Variants in OPCML observed in about 807,000 individuals in gnomAD.
OPCML encodes the protein opioid-binding protein/cell adhesion molecule.
A neutral mutation model predicts 37.8 loss-of-function variants in OPCML; 13 were observed. That is an observed-to-expected ratio of 0.34 (90% CI 0.22 to 0.55). The LOEUF is 0.55. Ranked by LOEUF, OPCML falls within the 20% of genes least tolerant of loss-of-function variation. The probability of loss-of-function intolerance (pLI) is 0.91; values close to 1 mark genes in which losing one functional copy is unlikely to be tolerated. For synonymous variants in OPCML, 176 were observed against 168.8 expected, an observed-to-expected ratio of 1.04 and a Z score of -0.33; for missense variants, 341 against 435.6, an observed-to-expected ratio of 0.78 and a Z score of 1.93.
intron 1 of OPCML, among the ~76,000 whole-genome samples, chr11:133,294,825 T>TC (rs1486643312): frequency 1.6e-5 from 2 of 125,958 alleles, no homozygotes; most frequent in African/African-American, 6.3e-5. Context: ...CTTTTTTTTT[T>TC]TTTTTTTTTT....
chr11:132,807,457 T>C (rs1048501468), intron 2 of OPCML, among the ~76,000 whole-genome samples: 3 of 152,208 alleles, frequency 2.0e-5, no homozygotes, highest in Admixed American at 6.5e-5. Context: ...AAATGCATTC[T>C]ATAAAAAAAT....
At chr11:132,525,581 A>G (rs2096305832) in intron 4 of OPCML, among the ~76,000 whole-genome samples, 1 of 152,212 alleles carries the variant, frequency 6.6e-6, no homozygotes, top group African/African-American at 2.4e-5. Context: ...TGTACTTCTA[A>G]TCTTTTAGAA....
At chr11:132,779,272 G>A (rs1222869249) in intron 2 of OPCML, among the ~76,000 whole-genome samples, 2 of 152,026 alleles carry the variant, frequency 1.3e-5, no homozygotes, top group South Asian at 2.1e-4. Context: ...CTGGCCTTAA[G>A]TTGTATATTT....
chr11:132,647,635 C>T (rs1591668514), intron 3 of OPCML, among the ~76,000 whole-genome samples: 2 of 152,018 alleles, frequency 1.3e-5, no homozygotes, highest in South Asian at 2.1e-4. Context: ...GCAAGTGGAT[C>T]GTCATAAAGG....
At position 133,202,700 on chromosome 11, in the gene OPCML, A is replaced by T. The variant is rs114710239; in HGVS notation, c.62-259690T>A. 1.4e-3 allele frequency among the ~76,000 whole-genome samples: 210 copies of T among 152,318 alleles called. 1 individual carries two copies. The highest frequency in any genetic ancestry group is 4.7e-3 in the African/African-American group (197 of 41,564). Reference sequence around the variant, plus strand: ...CAGTTACCCTGCAAGTTAGGCCCCAATATTCCTTGTGGAAGCTCAGGTGGG... The same window carrying T: ...CAGTTACCCTGCAAGTTAGGCCCCATTATTCCTTGTGGAAGCTCAGGTGGG... On this transcript the variant is annotated intron_variant, in intron 1 of 7. Coordinates refer to ENST00000524381, the MANE Select transcript of OPCML (RefSeq NM_001012393.5).
At chr11:133,475,398 C>T in intron 1 of OPCML, among the ~76,000 whole-genome samples, 1 of 152,092 alleles carries the variant, frequency 6.6e-6, no homozygotes, top group Non-Finnish European at 1.5e-5. Flanking sequence ...CCTCCTCCAA[C>T]CATTTTCTAT....
chr11:133,116,183 G>T (rs1949330683), intron 1 of OPCML, among the ~76,000 whole-genome samples: 1 of 152,104 alleles, frequency 6.6e-6, no homozygotes, highest in Non-Finnish European at 1.5e-5. Context: ...TGGCCAGTCT[G>T]GTCTTGAACT....
At chr11:133,163,150 G>A (rs1350109318) in intron 1 of OPCML, among the ~76,000 whole-genome samples, 2 of 152,090 alleles carry the variant, frequency 1.3e-5, no homozygotes, top group Admixed American at 6.5e-5. Context: ...TTGTGTTTCC[G>A]TTTCTCTTAC....
At chr11:132,874,061 T>C (rs146081585) in intron 2 of OPCML, among the ~76,000 whole-genome samples, 11 of 152,334 alleles carry the variant, frequency 7.2e-5, no homozygotes, top group Non-Finnish European at 1.2e-4. Context: ...TTTCCTGTTA[T>C]TCCCCATTAC....
At chr11:132,898,016 A>G (rs61906918) in intron 2 of OPCML, among the ~76,000 whole-genome samples, 21,042 of 152,170 alleles carry the variant, frequency 0.14, 1,592 homozygotes, top group East Asian at 0.28. Context: ...TTTCCCAGTC[A>G]TCCCTGTCAT....
intron 1 of OPCML, among the ~76,000 whole-genome samples, chr11:133,106,691 C>T (rs752463212): frequency 1.3e-5 from 2 of 152,162 alleles, no homozygotes; most frequent in East Asian, 3.9e-4. Context: ...ATATCCAGGA[C>T]CAGACAATAG....
Position 133,433,086 on chromosome 11 carries a change from T to C in OPCML, c.61+99178A>G, listed in dbSNP as rs535295081. Among the ~76,000 whole-genome samples the C allele has an allele frequency of 3.9e-5, 6 of 152,260 alleles. No homozygotes were observed. The South Asian group carries it at 1.2e-3, about 32-fold the overall frequency. On this transcript the variant is annotated intron_variant, in intron 1 of 7. Transcript: ENST00000524381. ...AACTAATCTGTTTTGTATCCATCTATTGAAATTTTACTCTCAATTATTACG... is the reference window on the plus strand; with the variant it reads ...AACTAATCTGTTTTGTATCCATCTACTGAAATTTTACTCTCAATTATTACG...
At chr11:132,653,743 G>A (rs1350431194) in intron 3 of OPCML, among the ~76,000 whole-genome samples, 3 of 152,194 alleles carry the variant, frequency 2.0e-5, no homozygotes, top group Non-Finnish European at 4.4e-5. Context: ...CCCATGGCAG[G>A]AGGGATAAAG....
chr11:132,835,757 C>T (rs1565898573), intron 2 of OPCML, among the ~76,000 whole-genome samples: 1 of 152,190 alleles, frequency 6.6e-6, no homozygotes, highest in Non-Finnish European at 1.5e-5. Flanking sequence ...TGTCAAAGTC[C>T]AAGTGAACGG....
intron 1 of OPCML, among the ~76,000 whole-genome samples, chr11:132,999,577 G>GGGGGAGGA (rs372561939): frequency 6.8e-6 from 1 of 146,584 alleles, no homozygotes; most frequent in African/African-American, 2.7e-5. Flanking sequence ...GTCGGGGGGG[G>GGGGGAGGA]AATGCCACCG....
At chr11:132,638,453 A>G (rs189971082) in intron 3 of OPCML, among the ~76,000 whole-genome samples, 1 of 152,278 alleles carries the variant, frequency 6.6e-6, no homozygotes, top group Non-Finnish European at 1.5e-5. Context: ...AAACTAAACC[A>G]CACTTGTAAA....
chr11:133,434,710 C>T (rs1418817222), intron 1 of OPCML, among the ~76,000 whole-genome samples: 1 of 149,908 alleles, frequency 6.7e-6, no homozygotes, highest in Non-Finnish European at 1.5e-5. Flanking sequence ...AGAAAATTGG[C>T]TTCTACTGTT....
intron 1 of OPCML, among the ~76,000 whole-genome samples, chr11:133,112,835 G>A (rs1241288612): frequency 6.6e-6 from 1 of 152,028 alleles, no homozygotes; most frequent in African/African-American, 2.4e-5. Context: ...ACTCTTAATC[G>A]CACAAGCTCC....
At chr11:133,013,099 T>C (rs1053264479) in intron 1 of OPCML, among the ~76,000 whole-genome samples, 1 of 152,184 alleles carries the variant, frequency 6.6e-6, no homozygotes, top group Non-Finnish European at 1.5e-5. Flanking sequence ...TCTTGGTCAC[T>C]TGATTATGTA....
Sources: gnomAD v4.1 joint callset for allele counts (sites outside exome capture counted in the v4.1 genomes callset) on GRCh38, gnomAD v4.1.1 for gene constraint, MANE v1.5 for transcripts, NCBI Gene and HGNC (gene_info 2026-07-23, HGNC 2026-07-21) for gene names.